The following PRPS2 variants were observed in gnomAD, a reference collection of about 807,000 sequenced individuals.
The protein encoded by PRPS2 is ribose-phosphate pyrophosphokinase 2.
For missense variants in PRPS2, 104 were observed against 271.5 expected, an observed-to-expected ratio of 0.38 and a Z score of 4.34; for synonymous variants, 111 against 115.3, an observed-to-expected ratio of 0.96 and a Z score of 0.24.
At chrX:12,808,756 C>G (rs2042607627) in intron 2 of PRPS2, among the ~76,000 whole-genome samples, 1 of 112,010 alleles carries the variant, frequency 8.9e-6, no homozygotes, top group Admixed American at 9.5e-5. Flanking sequence ...CTCTTGACCT[C>G]AGTGATCTCA....
chrX:12,807,614 T>C (rs1423537502), intron 2 of PRPS2, among the ~76,000 whole-genome samples: 1 of 111,804 alleles, frequency 8.9e-6, no homozygotes, highest in East Asian at 2.8e-4. Context: ...GAAGAACTAC[T>C]GAATGCAGAG....
At chrX:12,792,369 G>C (rs922437335) in intron 1 of PRPS2, among the ~76,000 whole-genome samples, 2 of 112,249 alleles carry the variant, frequency 1.8e-5, no homozygotes, top group Non-Finnish European at 3.8e-5. Flanking sequence ...CTGCTTTAAA[G>C]ATGATGGACT....
Position 12,810,223 on chromosome X carries a change from A to G in PRPS2, c.530+77A>G, listed in dbSNP as rs765414689. ...CCTTTTCCGATGTATTAGATAAGGA[A>G]GCATGCTGTAAATTACTTAAAGCTT... is the stretch of plus-strand genomic sequence containing the variant. On this transcript the variant is annotated intron_variant, in intron 4 of 6. Coordinates refer to ENST00000380668, the MANE Select transcript of PRPS2 (RefSeq NM_002765.5). The G allele has an allele frequency of 4.2e-5, 49 of 1,154,840 alleles. No homozygotes were observed. In the Admixed American group the frequency reaches 6.0e-4, roughly 14 times the overall value.
chrX:12,808,288 C>CTGTGTGTG (rs60881280), intron 2 of PRPS2, among the ~76,000 whole-genome samples: 14,317 of 102,173 alleles, frequency 0.14, 849 homozygotes, highest in Non-Finnish European at 0.18. Context: ...CATGAATATA[C>CTGTGTGTG]TGTGTGTGTG....
At chrX:12,822,176 G>A (rs768559728) in intron 6 of PRPS2, among the ~76,000 whole-genome samples, 32 of 111,888 alleles carry the variant, frequency 2.9e-4, no homozygotes, top group East Asian at 5.6e-4. Context: ...GCACAGCCAC[G>A]TCCATTCATA....
chrX:12,800,687 A>T (rs749758349), intron 2 of PRPS2, among the ~76,000 whole-genome samples: 81 of 111,885 alleles, frequency 7.2e-4, no homozygotes, highest in Non-Finnish European at 1.1e-3. Flanking sequence ...TCCATAATTC[A>T]TTTCTGAAAC....
Position 12,792,020 on chromosome X carries a change from T to C in PRPS2, c.122+401T>C, listed in dbSNP as rs868236865. On this transcript the variant is annotated intron_variant, in intron 1 of 6. Coordinates refer to ENST00000380668, the MANE Select transcript of PRPS2 (RefSeq NM_002765.5). ...GGAACCGCATCGGGTCAGCGCGCGG[T>C]GGAGAGACGTCCTGGGTTGGCTGGT... 1.4e-3 allele frequency among the ~76,000 whole-genome samples: 159 copies of C among 112,974 alleles called. 1 individual carries two copies. The highest frequency in any genetic ancestry group is 4.7e-3 in the African/African-American group (148 of 31,241).
intron 1 of PRPS2, 64 bp from the exon 2 acceptor site, chrX:12,799,143 T>C (rs2042557485): frequency 1.8e-6 from 2 of 1,097,319 alleles, no homozygotes; most frequent in Non-Finnish European, 2.5e-6. Context: ...CTAGGGGTGG[T>C]CTCAGGGACG....
Position 12,791,433 on chromosome X carries a change from G to T in PRPS2, c.-65G>T, listed in dbSNP as rs183710161. On this transcript the variant is annotated 5_prime_UTR_variant, in exon 1 of 7. Transcript: ENST00000380668. ...TCCCGCAGCAGCAGCCTCCCGCGTC[G>T]CTGTCGCTGTTGCCTCCGCCACCTC... 32 of 1,148,127 alleles carry T rather than the reference G, an allele frequency of 2.8e-5. No homozygotes were observed. The highest frequency in any genetic ancestry group is 6.7e-5 in the East Asian group (2 of 30,074). 94.6% of individuals were successfully genotyped at this position (1,148,127 alleles called of 1,213,427 possible).
chrX:12,804,825 C>T (rs763763134), intron 2 of PRPS2, among the ~76,000 whole-genome samples: 8 of 111,696 alleles, frequency 7.2e-5, no homozygotes, highest in Non-Finnish European at 1.3e-4. Flanking sequence ...CCTGCACAGC[C>T]GCAGGAGGAG....
intron 6 of PRPS2, among the ~76,000 whole-genome samples, chrX:12,821,549 A>G (rs2042676275): frequency 8.9e-6 from 1 of 112,096 alleles, no homozygotes; most frequent in African/African-American, 3.2e-5. Context: ...TGATAGTTTC[A>G]CACATTAGGA....
chrX:12,791,445 G>T lies in PRPS2; in HGVS notation c.-53G>T. 2 of 1,173,296 alleles carry T rather than the reference G, an allele frequency of 1.7e-6. No individual in the cohort carries two copies. Among genetic ancestry groups the T allele is most frequent in the Non-Finnish European group, 2.3e-6 (2 of 875,293 alleles). ...AGCCTCCCGCGTCGCTGTCGCTGTT[G>T]CCTCCGCCACCTCCTCCGCCGCCGC... is the stretch of plus-strand genomic sequence containing the variant. On this transcript the variant is annotated 5_prime_UTR_variant, in exon 1 of 7. Transcript: ENST00000380668.
chrX:12,809,410 T>G, intron 3 of PRPS2, 78 bp downstream of exon 3: 1 of 971,120 alleles, frequency 1.0e-6, no homozygotes, highest in East Asian at 3.1e-5. Context: ...TACTTGTGTT[T>G]GAGTTTATAT....
At chrX:12,801,256 G>GTGTGTGTGTGTA (rs2042569150) in intron 2 of PRPS2, among the ~76,000 whole-genome samples, 1 of 109,900 alleles carries the variant, frequency 9.1e-6, no homozygotes, top group African/African-American at 3.3e-5. Context: ...GTGTGTGTAT[G>GTGTGTGTGTGTA]TGTGTGTGTG....
At position 12,811,786 on chromosome X, in the gene PRPS2, G is replaced by A. The variant is rs2042625237; in HGVS notation, c.530+1640G>A. 3.6e-5 allele frequency among the ~76,000 whole-genome samples: 4 copies of A among 111,953 alleles called. No homozygotes were observed. The Admixed American group carries it at 3.8e-4, about 11-fold the overall frequency. ...AGAAAGTTGTCTTAACACTCTTGCAGGGAAACACAGGCCCTGATTCTTAGA... is the reference window on the plus strand; with the variant it reads ...AGAAAGTTGTCTTAACACTCTTGCAAGGAAACACAGGCCCTGATTCTTAGA... On this transcript the variant is annotated intron_variant, in intron 4 of 6. Coordinates refer to ENST00000380668, the MANE Select transcript of PRPS2 (RefSeq NM_002765.5).
chrX:12,796,443 C>T (rs2042544310), intron 1 of PRPS2, among the ~76,000 whole-genome samples: 2 of 110,595 alleles, frequency 1.8e-5, no homozygotes, highest in African/African-American at 6.6e-5. Context: ...TCTAGAACTC[C>T]AGACCTCAGG....
chrX:12,815,068 G>C (rs1359503376), intron 4 of PRPS2, among the ~76,000 whole-genome samples: 1 of 112,551 alleles, frequency 8.9e-6, no homozygotes, highest in Non-Finnish European at 1.9e-5. Flanking sequence ...TTTGTTAGGA[G>C]TATGTATTAG....
chrX:12,822,912 G>A lies in PRPS2; in HGVS notation c.*116G>A, dbSNP rs1415864056. The A allele has an allele frequency of 3.8e-6, 2 of 524,603 alleles. No homozygotes were observed. Among genetic ancestry groups the A allele is most frequent in the Non-Finnish European group, 3.2e-6 (1 of 308,621 alleles). The allele number at this position is 524,603 out of a possible 1,213,427, so 43.2% of individuals were successfully genotyped here. ...AGGTTAATCACTGGCAAAAGCATCAGATCTTTGTATATGCTAAGATTTATT... is the reference window on the plus strand; with the variant it reads ...AGGTTAATCACTGGCAAAAGCATCAAATCTTTGTATATGCTAAGATTTATT... On this transcript the variant is annotated 3_prime_UTR_variant, in exon 7 of 7. Transcript: ENST00000380668.
chrX:12,813,733 C>T (rs777104503), intron 4 of PRPS2, among the ~76,000 whole-genome samples: 1 of 111,651 alleles, frequency 9.0e-6, no homozygotes, highest in Non-Finnish European at 1.9e-5. Flanking sequence ...GCCTATTGTT[C>T]TCTTGGCTGG....
Sources: allele counts gnomAD v4.1 joint callset (sites outside exome capture counted in the v4.1 genomes callset), GRCh38; gene constraint gnomAD v4.1.1; transcripts MANE v1.5; gene names NCBI Gene and HGNC (gene_info 2026-07-23, HGNC 2026-07-21).